CNTNAP2: variants seen among roughly 807,000 people sequenced by gnomAD.
CNTNAP2 encodes the protein contactin-associated protein-like 2.
A neutral mutation model predicts 155.2 loss-of-function variants in CNTNAP2; 98 were observed. That is an observed-to-expected ratio of 0.63 (90% CI 0.54 to 0.75). The LOEUF is 0.75. Ranked by LOEUF, CNTNAP2 falls within the 30% of genes least tolerant of loss-of-function variation. The pLI, the probability that CNTNAP2 is intolerant of heterozygous loss-of-function variation, is 0.00. For synonymous variants in CNTNAP2, 651 were observed against 631.2 expected, an observed-to-expected ratio of 1.03 and a Z score of -0.47; for missense variants, 1,727 against 1,688.1, an observed-to-expected ratio of 1.02 and a Z score of -0.40.
chr7:147,288,181 G>T (rs902526695), intron 8 of CNTNAP2, among the ~76,000 whole-genome samples: 3 of 152,028 alleles, frequency 2.0e-5, no homozygotes, highest in African/African-American at 7.2e-5. Flanking sequence ...TTACCCTTTT[G>T]TCAATCATTC....
chr7:148,321,191 T>G (rs769266549), intron 21 of CNTNAP2, among the ~76,000 whole-genome samples: 9 of 152,006 alleles, frequency 5.9e-5, no homozygotes, highest in Non-Finnish European at 1.2e-4. Context: ...TGGTAGGCAG[T>G]GGAGAGATGT....
At chr7:146,928,906 G>A (rs921973787) in intron 3 of CNTNAP2, among the ~76,000 whole-genome samples, 3 of 152,212 alleles carry the variant, frequency 2.0e-5, no homozygotes, top group African/African-American at 7.2e-5. Flanking sequence ...CATTGCCCAG[G>A]CTTGCTTAGG....
At chr7:147,736,407 G>A (rs1796845288) in intron 13 of CNTNAP2, among the ~76,000 whole-genome samples, 1 of 152,304 alleles carries the variant, frequency 6.6e-6, no homozygotes, top group African/African-American at 2.4e-5. Flanking sequence ...AGTCTGATGG[G>A]CTTCCCTTTG....
intron 1 of CNTNAP2, among the ~76,000 whole-genome samples, chr7:146,389,043 C>CAAAAA (rs764716044): frequency 5.8e-4 from 88 of 151,914 alleles, no homozygotes; most frequent in Non-Finnish European, 9.0e-4. Flanking sequence ...GTTGAAAGGC[C>CAAAAA]AAAACAAAAC....
intron 1 of CNTNAP2, among the ~76,000 whole-genome samples, chr7:146,520,947 C>T (rs1475073350): frequency 6.6e-6 from 1 of 151,876 alleles, no homozygotes; most frequent in Non-Finnish European, 1.5e-5. Flanking sequence ...CACTTTCCAT[C>T]CTTATATTCC....
At chr7:147,920,351 G>A (rs539620136) in intron 14 of CNTNAP2, among the ~76,000 whole-genome samples, 15 of 69,960 alleles carry the variant, frequency 2.1e-4, no homozygotes, top group African/African-American at 5.1e-4. Flanking sequence ...GGGAGACTCC[G>A]TCTCAAAAAA....
chr7:146,450,087 G>C (rs1796456973), intron 1 of CNTNAP2, among the ~76,000 whole-genome samples: 1 of 151,998 alleles, frequency 6.6e-6, no homozygotes, highest in South Asian at 2.1e-4. Flanking sequence ...TTTCTACGTT[G>C]TACCTTTTCT....
At position 146,327,755 on chromosome 7, in the gene CNTNAP2, T is replaced by C. The variant is rs552639858; in HGVS notation, c.97+210782T>C. Among the ~76,000 whole-genome samples, 339 of 152,320 alleles carry C rather than the reference T, an allele frequency of 2.2e-3. 1 individual carries two copies. Among genetic ancestry groups the C allele is most frequent in the Non-Finnish European group, 3.5e-3 (237 of 68,032 alleles). On this transcript the variant is annotated intron_variant, in intron 1 of 23. Transcript: ENST00000361727. Reference sequence around the variant, plus strand: ...TTTTGATACGGAAACAAAAAGAATATTAAGCATGTCCTATTTTAAGTAGAA... The same window carrying C: ...TTTTGATACGGAAACAAAAAGAATACTAAGCATGTCCTATTTTAAGTAGAA...
chr7:148,301,302 A>T (rs1404303956), intron 21 of CNTNAP2, among the ~76,000 whole-genome samples: 8 of 47,334 alleles, frequency 1.7e-4, no homozygotes, highest in East Asian at 6.9e-4. Flanking sequence ...TAAAAAAAAA[A>T]AAAAATATAT....
chr7:147,102,650 T>C (rs1022543134), intron 4 of CNTNAP2, among the ~76,000 whole-genome samples: 3 of 152,188 alleles, frequency 2.0e-5, no homozygotes, highest in Non-Finnish European at 4.4e-5. Flanking sequence ...TAGAAGTGAT[T>C]TTCAGATTCT....
intron 8 of CNTNAP2, among the ~76,000 whole-genome samples, chr7:147,266,144 T>C (rs1215560707): frequency 6.6e-6 from 1 of 152,100 alleles, no homozygotes; most frequent in Admixed American, 6.5e-5. Flanking sequence ...ATGAGATGGA[T>C]GAATTAACAG....
intron 3 of CNTNAP2, among the ~76,000 whole-genome samples, chr7:147,030,352 T>TAA (rs761570796): frequency 7.9e-4 from 121 of 152,342 alleles, no homozygotes; most frequent in Non-Finnish European, 1.3e-3. Flanking sequence ...AGTATTATGC[T>TAA]TCTGCAAGCA....
intron 10 of CNTNAP2, among the ~76,000 whole-genome samples, chr7:147,464,461 C>A: frequency 1.7e-5 from 2 of 114,352 alleles, no homozygotes; most frequent in African/African-American, 3.3e-5. Flanking sequence ...AGTGAGACTC[C>A]ATCTAAAAAA....
chr7:148,058,261 C>G (rs1563183880), intron 15 of CNTNAP2, among the ~76,000 whole-genome samples: 1 of 152,106 alleles, frequency 6.6e-6, no homozygotes, highest in Admixed American at 6.5e-5. Flanking sequence ...GGCAAGCTCT[C>G]AAAGCTCAGA....
chr7:147,376,650 A>G (rs1050684833), intron 9 of CNTNAP2, among the ~76,000 whole-genome samples: 7 of 151,892 alleles, frequency 4.6e-5, no homozygotes, highest in African/African-American at 9.7e-5. Flanking sequence ...TCTATGCTCA[A>G]TAATTTCACG....
chr7:147,414,960 A>AAG (rs1797167998), intron 10 of CNTNAP2, among the ~76,000 whole-genome samples: 2 of 150,476 alleles, frequency 1.3e-5, no homozygotes, highest in Non-Finnish European at 3.0e-5. Context: ...AAAAAAAAAA[A>AAG]AAAGAAAAGA....
intron 1 of CNTNAP2, among the ~76,000 whole-genome samples, chr7:146,484,078 T>G (rs1797020186): frequency 6.6e-6 from 1 of 152,208 alleles, no homozygotes; most frequent in South Asian, 2.1e-4. Flanking sequence ...TTTACTGTAC[T>G]ATTTTTATGT....
At chr7:147,168,003 CAT>C (rs971495817) in intron 8 of CNTNAP2, among the ~76,000 whole-genome samples, 7 of 147,914 alleles carry the variant, frequency 4.7e-5, no homozygotes, top group South Asian at 4.2e-4. Context: ...AATTTACATG[CAT>C]ATATATACAT....
At position 146,319,537 on chromosome 7, in the gene CNTNAP2, T is replaced by C. The variant is rs140436061; in HGVS notation, c.97+202564T>C. On this transcript the variant is annotated intron_variant, in intron 1 of 23. Transcript: ENST00000361727. The stretch of plus-strand genomic sequence containing the variant: ...AGACAAAATATACTCAACTCACTTC[T>C]TATAGCAAATGTGTTAAAAGTGTAC... 1.5e-3 allele frequency among the ~76,000 whole-genome samples: 228 copies of C among 152,326 alleles called. 1 individual carries two copies. The highest frequency in any genetic ancestry group is 5.1e-3 in the African/African-American group (211 of 41,582).
Sources: allele counts gnomAD v4.1 joint callset (sites outside exome capture counted in the v4.1 genomes callset), GRCh38; gene constraint gnomAD v4.1.1; transcripts MANE v1.5; gene names NCBI Gene and HGNC (gene_info 2026-07-23, HGNC 2026-07-21).